The following SNX29 variants were observed in gnomAD, a reference collection of about 807,000 sequenced individuals.
The protein encoded by SNX29 is sorting nexin 29.
Under a neutral mutation model 102.1 loss-of-function variants are expected in SNX29, and 78 were observed. The ratio of observed to expected loss-of-function variants is 0.76; its 90% confidence interval spans 0.64 to 0.92. The LOEUF is 0.92. Among genes scored for constraint, SNX29 ranks in the 40% least tolerant of loss-of-function variants. The pLI is 0.00. For synonymous variants in SNX29, 580 were observed against 414.5 expected (o/e 1.40, Z -4.85); for missense variants, 1,280 against 1,061.7 (o/e 1.21, Z -2.86).
At chr16:12,258,327 C>T (rs898242402) in intron 14 of SNX29, among the ~76,000 whole-genome samples, 16 of 152,152 alleles carry the variant, frequency 1.1e-4, no homozygotes, top group African/African-American at 3.4e-4. Context: ...AGAAGTCCCG[C>T]GTTCCCATGT....
At chr16:11,979,495 G>A (rs2055370288) in intron 1 of SNX29, among the ~76,000 whole-genome samples, 1 of 152,132 alleles carries the variant, frequency 6.6e-6, no homozygotes, top group South Asian at 2.1e-4. Flanking sequence ...CACTTGTGGG[G>A]TGGGTAACTG....
intron 14 of SNX29, among the ~76,000 whole-genome samples, chr16:12,219,796 T>TA (rs1378865917): frequency 6.6e-6 from 1 of 152,260 alleles, no homozygotes; most frequent in African/African-American, 2.4e-5. Flanking sequence ...GGGGCTTTGC[T>TA]ACCACCATGC....
intron 1 of SNX29, among the ~76,000 whole-genome samples, 176 bp from the exon 2 acceptor site, chr16:11,999,121 C>T (rs2056194526): frequency 6.6e-6 from 1 of 152,162 alleles, no homozygotes; most frequent in South Asian, 2.1e-4. Context: ...ATTAGTTTAG[C>T]TGTTTTCCTT....
At chr16:11,992,279 G>A (rs954143283) in intron 1 of SNX29, among the ~76,000 whole-genome samples, 4 of 152,104 alleles carry the variant, frequency 2.6e-5, no homozygotes, top group African/African-American at 9.7e-5. Flanking sequence ...GGTTGACAGA[G>A]CCAGACTCCA....
intron 14 of SNX29, among the ~76,000 whole-genome samples, chr16:12,217,105 C>T (rs1314310787): frequency 6.6e-6 from 1 of 152,154 alleles, no homozygotes; most frequent in East Asian, 1.9e-4. Flanking sequence ...CATGGCTTAC[C>T]TCATCCTTGA....
chr16:12,031,746 A>G (rs2057351127), intron 4 of SNX29, among the ~76,000 whole-genome samples: 1 of 152,086 alleles, frequency 6.6e-6, no homozygotes. Context: ...CGGAGCTTGC[A>G]GTGAGCCGAG....
At chr16:12,193,797 A>T (rs1218747058) in intron 13 of SNX29, among the ~76,000 whole-genome samples, 1 of 152,040 alleles carries the variant, frequency 6.6e-6, no homozygotes, top group Non-Finnish European at 1.5e-5. Context: ...ACATTGCTTG[A>T]TTGTGTGTAT....
rs182412902 is a variant in SNX29 at position 12,277,677 on chromosome 16, C to T, written c.1679-256C>T. ...GCAGCCTCGACCTCCTGGGCTCAAG[C>T]GATCCTCTCAACTCAGCCTCCTGAG... On this transcript the variant is annotated intron_variant, in intron 14 of 20. Transcript: ENST00000566228. Among the ~76,000 whole-genome samples, 6 of 152,206 alleles carry T rather than the reference C, an allele frequency of 3.9e-5. No individual in the cohort carries two copies. In the East Asian group the frequency reaches 5.8e-4, roughly 15 times the overall value.
At chr16:12,224,709 C>G (rs1596553493) in intron 14 of SNX29, among the ~76,000 whole-genome samples, 1 of 152,160 alleles carries the variant, frequency 6.6e-6, no homozygotes, top group Non-Finnish European at 1.5e-5. Context: ...TTTGTCTAGG[C>G]AAGGGTTTGT....
chr16:12,493,679 C>T (rs1421389184), intron 19 of SNX29, among the ~76,000 whole-genome samples: 1 of 152,206 alleles, frequency 6.6e-6, no homozygotes, highest in Non-Finnish European at 1.5e-5. Context: ...GCAACCTCCG[C>T]TTCCTGGGTT....
intron 18 of SNX29, among the ~76,000 whole-genome samples, chr16:12,450,546 T>C (rs1013398433): frequency 6.6e-6 from 1 of 152,200 alleles, no homozygotes; most frequent in Non-Finnish European, 1.5e-5. Context: ...GGTGCTCTGA[T>C]TGGCTGAGGC....
chr16:12,011,696 C>T (rs1188107450), intron 3 of SNX29, among the ~76,000 whole-genome samples: 5 of 152,122 alleles, frequency 3.3e-5, no homozygotes, highest in African/African-American at 7.2e-5. Flanking sequence ...TCGTCATGAA[C>T]CTGACAGTGG....
At chr16:12,564,625 A>T (rs1042148067) in intron 20 of SNX29, among the ~76,000 whole-genome samples, 1 of 151,172 alleles carries the variant, frequency 6.6e-6, no homozygotes, top group East Asian at 1.9e-4. Flanking sequence ...TAGTCCCAGC[A>T]TTAACAGAGT....
chr16:12,436,919 C>T (rs2085565480), intron 18 of SNX29, among the ~76,000 whole-genome samples: 1 of 152,254 alleles, frequency 6.6e-6, no homozygotes, highest in South Asian at 2.1e-4. Flanking sequence ...TCCCAAAGTG[C>T]TGGGATTACA....
At chr16:12,537,943 C>G (rs1489913822) in intron 20 of SNX29, among the ~76,000 whole-genome samples, 1 of 150,150 alleles carries the variant, frequency 6.7e-6, no homozygotes, top group South Asian at 2.1e-4. Context: ...TGAGATCGTG[C>G]CACTGCACTC....
intron 14 of SNX29, among the ~76,000 whole-genome samples, chr16:12,227,628 G>T (rs1353386772): frequency 1.3e-5 from 2 of 152,094 alleles, no homozygotes; most frequent in Admixed American, 1.3e-4. Context: ...GGCCGGGCGC[G>T]GTGGCTCATG....
chr16:12,035,816 T>A (rs532805418), intron 4 of SNX29, among the ~76,000 whole-genome samples: 3 of 152,336 alleles, frequency 2.0e-5, no homozygotes, highest in African/African-American at 7.2e-5. Context: ...TTTTGTTCTT[T>A]GCTTTCTCTG....
At chr16:12,201,808 C>T (rs1008992208) in intron 14 of SNX29, among the ~76,000 whole-genome samples, 12 of 152,270 alleles carry the variant, frequency 7.9e-5, no homozygotes, top group Middle Eastern at 3.4e-3. Flanking sequence ...CCATTAAAGT[C>T]GGGTTAAAAA....
intron 8 of SNX29, among the ~76,000 whole-genome samples, chr16:12,059,627 G>C (rs768832571): frequency 1.3e-5 from 2 of 152,220 alleles, no homozygotes; most frequent in Non-Finnish European, 2.9e-5. Context: ...TAAAATAGGA[G>C]CTGGCAATCC....
Sources: allele counts gnomAD v4.1 joint callset (sites outside exome capture counted in the v4.1 genomes callset), GRCh38; gene constraint gnomAD v4.1.1; transcripts MANE v1.5; gene names NCBI Gene and HGNC (gene_info 2026-07-23, HGNC 2026-07-21).